The following SLC9A6 variants were observed in gnomAD, a reference collection of about 807,000 sequenced individuals.
The protein encoded by SLC9A6 is sodium/hydrogen exchanger 6.
In SLC9A6, 6 loss-of-function variants were observed where a neutral mutation model predicts 45.3. The ratio of observed to expected loss-of-function variants is 0.13; its 90% CI spans 0.07 to 0.26. The LOEUF (loss-of-function observed/expected upper bound fraction) is 0.26, where lower values mean the gene tolerates loss of function less well. Ranked by LOEUF, SLC9A6 falls within the 10% of genes least tolerant of loss-of-function variation. SLC9A6 has a pLI of 1.00. For synonymous variants in SLC9A6, 191 were observed against 187.7 expected, an observed-to-expected ratio of 1.02 and a Z score of -0.14; for missense variants, 278 against 503.7, an observed-to-expected ratio of 0.55 and a Z score of 4.29.
intron 2 of SLC9A6, among the ~76,000 whole-genome samples, chrX:135,988,833 C>A (rs1356730627): frequency 1.8e-5 from 2 of 109,406 alleles, no homozygotes; most frequent in Non-Finnish European, 3.8e-5. Context: ...AGGCTGGTCT[C>A]AAGCTCTTAG....
chrX:136,016,106 G>C (rs782134524), intron 10 of SLC9A6, among the ~76,000 whole-genome samples: 130 of 111,358 alleles, frequency 1.2e-3, no homozygotes, highest in Non-Finnish European at 1.6e-3. Context: ...CTCCCTATAC[G>C]AGAGGAAGAC....
At chrX:135,975,512 C>G (rs1556613223) in intron 1 of SLC9A6, among the ~76,000 whole-genome samples, 1 of 112,291 alleles carries the variant, frequency 8.9e-6, no homozygotes, top group Non-Finnish European at 1.9e-5. Context: ...TGTTGTGTTA[C>G]TGTTTACTGT....
chrX:135,987,192 A>G (rs1413987350), intron 2 of SLC9A6, among the ~76,000 whole-genome samples: 1 of 112,170 alleles, frequency 8.9e-6, no homozygotes, highest in Non-Finnish European at 1.9e-5. Context: ...TAGACATATT[A>G]GATGGTTTTT....
intron 11 of SLC9A6, among the ~76,000 whole-genome samples, chrX:136,022,112 C>G (rs1261501746): frequency 9.0e-6 from 1 of 111,551 alleles, no homozygotes; most frequent in Non-Finnish European, 1.9e-5. Flanking sequence ...TTTCTTTGTT[C>G]TGAGGAAGGA....
intron 14 of SLC9A6, chrX:136,029,765 T>C (rs972944208): frequency 4.1e-6 from 1 of 243,773 alleles, no homozygotes; most frequent in Non-Finnish European, 7.4e-6. Context: ...TGAATTGCAC[T>C]GTGCCATCCT....
intron 1 of SLC9A6, among the ~76,000 whole-genome samples, chrX:135,975,653 G>C (rs1018747722): frequency 8.9e-6 from 1 of 112,021 alleles, no homozygotes; most frequent in Non-Finnish European, 1.9e-5. Context: ...AAATAATTGG[G>C]ACAGTATCCC....
intron 12 of SLC9A6, among the ~76,000 whole-genome samples, chrX:136,023,844 T>C (rs1483105310): frequency 9.0e-6 from 1 of 111,288 alleles, no homozygotes; most frequent in Non-Finnish European, 1.9e-5. Flanking sequence ...TACTGAAACA[T>C]CAATGCATGT....
rs192169057 is a variant in SLC9A6, at chrX:136,013,137, G to T, written c.991+83G>T. ...ATTTTGCTCCAAGTGGATCAGCTCC[G>T]TTAGTATTTGAACATACTTATTGTG... is the stretch of plus-strand genomic sequence containing the variant. On this transcript the variant is annotated intron_variant, in intron 9 of 17. Coordinates refer to ENST00000630721, the MANE Select transcript of SLC9A6 (RefSeq NM_001379110.1). 102 of 747,405 alleles carry T rather than the reference G, an allele frequency of 1.4e-4. No individual in the cohort carries two copies. In the East Asian group the frequency reaches 3.1e-3, roughly 23 times the overall value. 61.6% of individuals were successfully genotyped at this position (747,405 alleles called of 1,213,427 possible).
At chrX:136,006,851 C>G (rs1556618052) in intron 7 of SLC9A6, among the ~76,000 whole-genome samples, 1 of 111,115 alleles carries the variant, frequency 9.0e-6, no homozygotes, top group African/African-American at 3.3e-5. Context: ...CCATTTCTAC[C>G]TATTCAATTA....
intron 2 of SLC9A6, among the ~76,000 whole-genome samples, chrX:135,988,638 GC>G (rs2089383133): frequency 9.3e-6 from 1 of 107,480 alleles, no homozygotes; most frequent in Non-Finnish European, 1.9e-5. Context: ...TTGCTCTGTC[GC>G]CTAGGCTGGA....
intron 2 of SLC9A6, among the ~76,000 whole-genome samples, chrX:135,991,073 G>A (rs1354238965): frequency 9.0e-6 from 1 of 111,628 alleles, no homozygotes; most frequent in Non-Finnish European, 1.9e-5. Context: ...TTTTGGAGGT[G>A]AGATATTTTT....
At chrX:135,974,058 G>C (rs782301013), upstream of SLC9A6, 2 of 226,993 alleles carry the variant, frequency 8.8e-6, no homozygotes, top group South Asian at 6.9e-5. Flanking sequence ...GGGGGCCTGC[G>C]TAGAGAACGT....
At chrX:136,032,450 C>A (rs1332817354) in intron 15 of SLC9A6, among the ~76,000 whole-genome samples, 2 of 112,298 alleles carry the variant, frequency 1.8e-5, no homozygotes, top group Non-Finnish European at 3.8e-5. Context: ...AATTCTCTAA[C>A]CCTCATCATG....
upstream of SLC9A6, chrX:135,985,127 A>C: frequency 1.4e-5 from 2 of 141,320 alleles, no homozygotes; most frequent in Non-Finnish European, 1.4e-5. Context: ...GGGGGACGAT[A>C]TTGAGATGGG....
chrX:136,001,109 G>T (rs1433374183), intron 6 of SLC9A6, among the ~76,000 whole-genome samples: 4 of 111,070 alleles, frequency 3.6e-5, no homozygotes, highest in Non-Finnish European at 7.5e-5. Context: ...GCTGAGACAG[G>T]TGGATCATGA....
Position 135,998,699 on chromosome X carries a change from A to T in SLC9A6, c.524+141A>T, listed in dbSNP as rs1438467614. On this transcript the variant is annotated intron_variant, in intron 5 of 17. Transcript: ENST00000630721. The stretch of plus-strand genomic sequence containing the variant: ...ATTCACGTAGGTAATAAGTTGTTTG[A>T]ATTTTCCTTAAGGCCAAAGTATTAC... The T allele has an allele frequency of 1.7e-5, 11 of 655,563 alleles. No homozygotes were observed. In the East Asian group the frequency reaches 3.8e-4, roughly 23 times the overall value. The allele number at this position is 655,563 out of a possible 1,213,427, so 54.0% of individuals were successfully genotyped here.
At chrX:136,040,887 C>T (rs1047259782) in intron 17 of SLC9A6, among the ~76,000 whole-genome samples, 1 of 112,030 alleles carries the variant, frequency 8.9e-6, no homozygotes, top group South Asian at 3.7e-4. Context: ...TTTGGGAGGC[C>T]GAGGCGGCAG....
chrX:135,978,387 C>T (rs1186939779), intron 1 of SLC9A6, among the ~76,000 whole-genome samples: 1 of 111,726 alleles, frequency 9.0e-6, no homozygotes, highest in Non-Finnish European at 1.9e-5. Context: ...CACGGTGGCT[C>T]ACGCTTGTAA....
chrX:135,994,770 T>A lies in SLC9A6; in HGVS notation c.170-16T>A, dbSNP rs548206389. ...TCTCTGTCGGCAAGAAGAGCTTATG[T>A]TGTTCTTTTTTCCAGGTCTTTTGGT... On this transcript the variant is annotated splice_polypyrimidine_tract_variant and intron_variant, in intron 2 of 17. Coordinates refer to ENST00000630721, the MANE Select transcript of SLC9A6 (RefSeq NM_001379110.1). 2.3e-5 allele frequency: 28 copies of A among 1,205,402 alleles called. No individual in the cohort carries two copies. In the South Asian group the frequency reaches 4.7e-4, roughly 20 times the overall value.
Sources: allele counts gnomAD v4.1 joint callset (sites outside exome capture counted in the v4.1 genomes callset), GRCh38; gene constraint gnomAD v4.1.1; transcripts MANE v1.5; gene names NCBI Gene and HGNC (gene_info 2026-07-23, HGNC 2026-07-21).